The following KIAA1217 variants were observed in gnomAD, a reference collection of about 807,000 sequenced individuals.
KIAA1217 encodes sickle tail protein homolog.
In KIAA1217, 88 loss-of-function variants were observed where a neutral mutation model predicts 163.9. The observed-to-expected ratio is 0.54, with a 90% CI of 0.45 to 0.64. The LOEUF (loss-of-function observed/expected upper bound fraction) is 0.64, where lower values mean the gene tolerates loss of function less well. Among genes scored for constraint, KIAA1217 ranks in the 30% least tolerant of loss-of-function variants. The pLI, the probability that KIAA1217 is intolerant of heterozygous loss-of-function variation, is 0.00. For synonymous variants in KIAA1217, 903 were observed against 923.1 expected, an observed-to-expected ratio of 0.98 and a Z score of 0.39; for missense variants, 2,372 against 2,475.0, an observed-to-expected ratio of 0.96 and a Z score of 0.88.
chr10:24,465,808 AG>A (rs2062881469), intron 5 of KIAA1217, among the ~76,000 whole-genome samples: 1 of 152,080 alleles, frequency 6.6e-6, no homozygotes, highest in Non-Finnish European at 1.5e-5. Flanking sequence ...GGTTGTAGCC[AG>A]AGGTCTCTGG....
At chr10:24,196,279 GTC>G (rs1490758549) in intron 2 of KIAA1217, among the ~76,000 whole-genome samples, 1 of 152,210 alleles carries the variant, frequency 6.6e-6, no homozygotes, top group African/African-American at 2.4e-5. Context: ...AACGCGCAGT[GTC>G]TCTGGTCACA....
chr10:23,853,278 GT>G (rs1839454184), intron 1 of KIAA1217, among the ~76,000 whole-genome samples: 1 of 152,168 alleles, frequency 6.6e-6, no homozygotes, highest in Non-Finnish European at 1.5e-5. Flanking sequence ...TAATCATGCG[GT>G]TTTTGTCTTT....
chr10:24,047,962 T>C (rs1849162868), intron 2 of KIAA1217, among the ~76,000 whole-genome samples: 1 of 152,192 alleles, frequency 6.6e-6, no homozygotes, highest in Admixed American at 6.5e-5. Flanking sequence ...ATAATACCAG[T>C]CAATGGGTAT....
intron 14 of KIAA1217, among the ~76,000 whole-genome samples, chr10:24,529,720 C>G (rs571988483): frequency 2.1e-4 from 32 of 152,052 alleles, no homozygotes; most frequent in Admixed American, 4.6e-4. Flanking sequence ...GGCGGGGCGG[C>G]TCTTCTCACA....
chr10:24,221,403 C>A (rs1410364502), intron 2 of KIAA1217, among the ~76,000 whole-genome samples: 1 of 152,104 alleles, frequency 6.6e-6, no homozygotes, highest in African/African-American at 2.4e-5. Context: ...GATTTCCACA[C>A]AAGGGAGGAA....
intron 2 of KIAA1217, among the ~76,000 whole-genome samples, chr10:24,135,087 A>T (rs994070873): frequency 6.6e-6 from 1 of 152,182 alleles, no homozygotes; most frequent in Non-Finnish European, 1.5e-5. Context: ...GTGACCTCCA[A>T]CAAGTAATTT....
intron 2 of KIAA1217, among the ~76,000 whole-genome samples, chr10:24,134,587 T>C (rs1470884822): frequency 2.6e-5 from 4 of 152,102 alleles, no homozygotes; most frequent in Admixed American, 2.6e-4. Context: ...TTAATTTATT[T>C]TTTAGAGGCA....
chr10:23,895,562 G>C (rs569048867), intron 1 of KIAA1217, among the ~76,000 whole-genome samples: 1 of 152,030 alleles, frequency 6.6e-6, no homozygotes, highest in East Asian at 1.9e-4. Context: ...AACTAGTTCA[G>C]CCATTGTGGA....
intron 1 of KIAA1217, among the ~76,000 whole-genome samples, chr10:23,919,584 C>T (rs932598767): frequency 2.7e-4 from 33 of 124,118 alleles, no homozygotes; most frequent in African/African-American, 9.0e-4. Context: ...CCAGCCTGGG[C>T]GACAAAGCAA....
At position 23,792,772 on chromosome 10, in the gene KIAA1217, G is replaced by A. The variant is rs1275949612; in HGVS notation, c.-321+97538G>A. Among the ~76,000 whole-genome samples the A allele has an allele frequency of 2.0e-5, 3 of 151,898 alleles. No individual in the cohort carries two copies. In the East Asian group the frequency reaches 5.8e-4, roughly 29 times the overall value. On this transcript the variant is annotated intron_variant, in intron 1 of 18. Transcript: ENST00000376462. The stretch of plus-strand genomic sequence containing the variant: ...CTGTCTCGGCCTCCCAAAGTACTGG[G>A]ATTACAGGTGTGAGCCACTGCGCCC...
At chr10:24,351,333 CTG>C (rs1200250424) in intron 2 of KIAA1217, among the ~76,000 whole-genome samples, 1 of 152,186 alleles carries the variant, frequency 6.6e-6, no homozygotes, top group Non-Finnish European at 1.5e-5. Context: ...TTCTAAGAGT[CTG>C]TATCTTCTTC....
At chr10:23,891,093 C>A (rs1451329948) in intron 1 of KIAA1217, among the ~76,000 whole-genome samples, 1 of 151,936 alleles carries the variant, frequency 6.6e-6, no homozygotes, top group South Asian at 2.1e-4. Context: ...AGCTTCCCAA[C>A]ACTTGTACTT....
chr10:23,834,166 T>C (rs1266219248), intron 1 of KIAA1217, among the ~76,000 whole-genome samples: 4 of 152,270 alleles, frequency 2.6e-5, no homozygotes, highest in Non-Finnish European at 5.9e-5. Flanking sequence ...TTGCTTTTTA[T>C]TTTGTTTTAT....
At chr10:24,088,274 TACACAC>T (rs1257847458) in intron 2 of KIAA1217, among the ~76,000 whole-genome samples, 40 of 107,112 alleles carry the variant, frequency 3.7e-4, no homozygotes, top group African/African-American at 9.3e-4. Flanking sequence ...TATATATATA[TACACAC>T]ATATATGTGT....
intron 1 of KIAA1217, among the ~76,000 whole-genome samples, chr10:23,696,915 C>G (rs1158170747): frequency 6.6e-6 from 1 of 152,020 alleles, no homozygotes; most frequent in East Asian, 1.9e-4. Flanking sequence ...TAAAAGTAAC[C>G]TAACGAAAAC....
intron 1 of KIAA1217, among the ~76,000 whole-genome samples, chr10:23,969,424 G>T (rs971878533): frequency 2.0e-5 from 3 of 152,154 alleles, no homozygotes; most frequent in African/African-American, 7.2e-5. Flanking sequence ...ATGCATGAGG[G>T]TTCTAATTTC....
intron 5 of KIAA1217, among the ~76,000 whole-genome samples, chr10:24,464,536 C>G (rs182762546): frequency 6.6e-6 from 1 of 152,064 alleles, no homozygotes; most frequent in East Asian, 1.9e-4. Flanking sequence ...CAGGCTGGAG[C>G]GCAATGGTGT....
Position 23,940,799 on chromosome 10 carries a change from T to C in KIAA1217, c.-320-66426T>C, listed in dbSNP as rs80197941. Reference sequence around the variant, plus strand: ...TCAATTACAGAAATATCTTTGAAACTTCACTCAACTAGTTGGAAATTAAAC... The same window carrying C: ...TCAATTACAGAAATATCTTTGAAACCTCACTCAACTAGTTGGAAATTAAAC... On this transcript the variant is annotated intron_variant, in intron 1 of 18. Transcript: ENST00000376462. 7.6e-3 allele frequency among the ~76,000 whole-genome samples: 1,162 copies of C among 152,328 alleles called. 61 individuals carry two copies. In the East Asian group the frequency reaches 0.14, roughly 19 times the overall value.
intron 1 of KIAA1217, among the ~76,000 whole-genome samples, chr10:23,938,705 T>C (rs1457897168): frequency 6.6e-6 from 1 of 151,734 alleles, no homozygotes; most frequent in Admixed American, 6.6e-5. Flanking sequence ...TATGTGCAAA[T>C]ACTACACTAT....
Sources: gnomAD v4.1 joint callset for allele counts (sites outside exome capture counted in the v4.1 genomes callset) on GRCh38, gnomAD v4.1.1 for gene constraint, MANE v1.5 for transcripts, NCBI Gene and HGNC (gene_info 2026-07-23, HGNC 2026-07-21) for gene names.